CITED2: variants seen among roughly 807,000 people sequenced by gnomAD.
CITED2 encodes the protein cbp/p300-interacting transactivator 2.
In CITED2, 2 loss-of-function variants were observed where a neutral mutation model predicts 11.8. The observed-to-expected ratio is 0.17, with a 90% CI of 0.07 to 0.54. CITED2 has a LOEUF of 0.54. Among genes scored for constraint, CITED2 ranks in the 20% least tolerant of loss-of-function variants. The pLI is 0.94. For missense variants in CITED2, 437 were observed against 390.2 expected (o/e 1.12, Z -1.01); for synonymous variants, 210 against 153.0 (o/e 1.37, Z -2.75).
rs889259503 is a variant in CITED2, at chr6:139,372,061, TACAATGATA to T, written c.*1062_*1070del. ...GATTAAAGCACACCAAGAGGCATGT[TACAATGATA>T]ACAATGAAGCATTATGCCAATTATG... On this transcript the variant is annotated 3_prime_UTR_variant, in exon 2 of 2. Transcript: ENST00000367651. 2.0e-5 allele frequency: 3 copies of T among 152,058 alleles called. No individual in the cohort carries two copies. The highest frequency in any genetic ancestry group is 6.6e-5 in the Admixed American group (1 of 15,266). The allele number at this position is 152,058 out of a possible 1,614,324, so 9.4% of individuals were successfully genotyped here. A position where few individuals can be genotyped will look rare whatever the true frequency, so the allele number is the denominator to read the frequency against.
rs1253592879 is a variant in CITED2 at position 139,372,927 on chromosome 6, T to C, written c.*205A>G. On this transcript the variant is annotated 3_prime_UTR_variant, in exon 2 of 2. Coordinates refer to ENST00000367651, the MANE Select transcript of CITED2 (RefSeq NM_006079.5). ...AAGGGAGGTGGGTGAATGTCAAGGCTACAAAAACGAAACAAAAACAGGAAA... is the reference window on the plus strand; with the variant it reads ...AAGGGAGGTGGGTGAATGTCAAGGCCACAAAAACGAAACAAAAACAGGAAA... The C allele has an allele frequency of 1.6e-6, 1 of 619,810 alleles. No homozygotes were observed. Among genetic ancestry groups the C allele is most frequent in the South Asian group, 1.9e-5 (1 of 52,566 alleles). 38.4% of individuals were successfully genotyped at this position (619,810 alleles called of 1,614,324 possible).
At position 139,373,971 on chromosome 6, in the gene CITED2, GATA is replaced by G. The variant is rs199963335; in HGVS notation, c.-8-22_-8-20del. ...TCCAGTCCTGGAAGTGAAAAGGGCA[GATA>G]ATGAGACCCGCGCCACACGTGTCGC... On this transcript the variant is annotated intron_variant, in intron 1 of 1. Coordinates refer to ENST00000367651, the MANE Select transcript of CITED2 (RefSeq NM_006079.5). 14,926 of 1,591,140 alleles carry G rather than the reference GATA, an allele frequency of 9.4e-3. 125 individuals are homozygous for G. The highest frequency in any genetic ancestry group is 0.032 in the African/African-American group (2,407 of 74,804).
Position 139,373,797 on chromosome 6 carries a change from C to A in CITED2, c.148G>T (p.Ala50Ser), listed in dbSNP as rs748987662. 1.2e-6 allele frequency: 2 copies of A among 1,609,842 alleles called. No homozygotes were observed. Among genetic ancestry groups the A allele is most frequent in the East Asian group, 2.2e-5 (1 of 44,860 alleles). Residue 50 changes from alanine (A) to serine (S), a missense_variant, in exon 2 of 2, where the codon GCC (alanine) becomes TCC (serine). Transcript: ENST00000367651. ...TAGTGTATGTGCTCGCCCATTAGGG[C>A]GTTGAAGGCGTGCTGGGGCTGCTGC... ...QQQQPQHAFN[A>S]LMGEHIHYGA...
chr6:139,373,347 TGCCGCTGCCGCTGCCGCC>T lies in CITED2; in HGVS notation c.580_597del (p.Gly194_Gly199del). 6.3e-7 allele frequency: 1 copy of T among 1,591,878 alleles called. No individual in the cohort carries two copies. Among genetic ancestry groups the T allele is most frequent in the Non-Finnish European group, 8.5e-7 (1 of 1,171,022 alleles). ...ACGTGGGCCACGGAGGCGGGCATGTTGCCGCTGCCGCTGCCGCCGCCGCTGTTGCTGCTGCCCGCGCCG... is the reference window on the plus strand; with the variant it reads ...ACGTGGGCCACGGAGGCGGGCATGTTGCCGCTGTTGCTGCTGCCCGCGCCG... On this transcript the variant is annotated inframe_deletion, in exon 2 of 2. Transcript: ENST00000367651.
rs772009858 is a variant in CITED2 at position 139,373,651 on chromosome 6, G to A, written c.294C>T (p.Phe98=). 2 of 1,613,682 alleles carry A rather than the reference G, an allele frequency of 1.2e-6. No individual in the cohort carries two copies. Among genetic ancestry groups the A allele is most frequent in the African/African-American group, 1.3e-5 (1 of 75,048 alleles). ...APAARFNNSQ[F]MGPPVASQGG... ...CCTGGCTGGCCACCGGGGGACCCAT[G>A]AACTGGGAGTTGTTAAACCTGGCCG... is the stretch of plus-strand genomic sequence containing the variant. Residue 98 remains phenylalanine (F), a synonymous_variant, in exon 2 of 2, where the codon TTC becomes TTT. Coordinates refer to ENST00000367651, the MANE Select transcript of CITED2 (RefSeq NM_006079.5).
chr6:139,373,495 G>A lies in CITED2; in HGVS notation c.450C>T (p.Asn150=), dbSNP rs1583067189. The A allele has an allele frequency of 1.2e-6, 2 of 1,612,612 alleles. No individual in the cohort carries two copies. The highest frequency in any genetic ancestry group is 2.7e-5 in the African/African-American group (2 of 75,008). ...PAAGHQMNGT[N]QHFRDCNPKH... ...TGGGGTTGCAATCTCGGAAGTGCTG[G>A]TTTGTCCCGTTCATCTGGTGGCCTG... Residue 150 remains asparagine, a synonymous_variant, in exon 2 of 2, where the codon AAC becomes AAT. Coordinates refer to ENST00000367651, the MANE Select transcript of CITED2 (RefSeq NM_006079.5).
chr6:139,374,004 C>G (rs1294798618), intron 1 of CITED2, 52 bp from the exon 2 acceptor site: 3 of 1,547,760 alleles, frequency 1.9e-6, no homozygotes, highest in Non-Finnish European at 2.6e-6. Flanking sequence ...TGTCGCCCAC[C>G]ACAGCGCACC....
At position 139,372,572 on chromosome 6, in the gene CITED2, A is replaced by C; in HGVS notation, c.*560T>G. 6.0e-6 allele frequency: 1 copy of C among 167,404 alleles called. No homozygotes were observed. The highest frequency in any genetic ancestry group is 5.9e-5 in the Admixed American group (1 of 17,094). 10.4% of individuals were successfully genotyped at this position (167,404 alleles called of 1,614,324 possible). On this transcript the variant is annotated 3_prime_UTR_variant, in exon 2 of 2. Coordinates refer to ENST00000367651, the MANE Select transcript of CITED2 (RefSeq NM_006079.5). ...GTGAACAGTATGACTTTCCTGATCCAGAACAGTTTGGCCCACATCTGTTTA... is the reference window on the plus strand; with the variant it reads ...GTGAACAGTATGACTTTCCTGATCCCGAACAGTTTGGCCCACATCTGTTTA...
chr6:139,373,612 C>G lies in CITED2; in HGVS notation c.333G>C (p.Pro111=), dbSNP rs1246359445. 1 of 1,613,980 alleles carries G rather than the reference C, an allele frequency of 6.2e-7. No homozygotes were observed. Among genetic ancestry groups the G allele is most frequent in the African/African-American group, 1.3e-5 (1 of 75,012 alleles). ...TGAGCTTCTGCAGCTGCATGCTGGC[C>G]GGCAGGGAGCCTCCCTGGCTGGCCA... The part of the protein sequence containing the change: ...PPVASQGGSL[P]ASMQLQKLNN... Residue 111 remains proline (P), a synonymous_variant, in exon 2 of 2, where the codon CCG becomes CCC. Transcript: ENST00000367651.
rs1778249595 is a variant in CITED2 at position 139,371,983 on chromosome 6, G to C, written c.*1149C>G. 1 of 150,360 alleles carries C rather than the reference G, an allele frequency of 6.7e-6. No homozygotes were observed. The highest frequency in any genetic ancestry group is 6.6e-5 in the Admixed American group (1 of 15,120). The allele number at this position is 150,360 out of a possible 1,614,324, so 9.3% of individuals were successfully genotyped here. ...ACCTTTCTAACTCTGGAGTACACTT[G>C]ATATGATGGCAATTAAGAAAAAAAA... is the stretch of plus-strand genomic sequence containing the variant. On this transcript the variant is annotated 3_prime_UTR_variant, in exon 2 of 2. Transcript: ENST00000367651.
Position 139,373,390 on chromosome 6 carries a change from G to A in CITED2, c.555C>T (p.Gly185=), listed in dbSNP as rs368033342. The A allele has an allele frequency of 3.8e-6, 6 of 1,566,230 alleles. No homozygotes were observed. Among genetic ancestry groups the A allele is most frequent in the Admixed American group, 3.7e-5 (2 of 54,278 alleles). The change falls in exon 2 of 2, where the codon GGC becomes GGT. Residue 185 remains glycine (G), a synonymous_variant. Coordinates refer to ENST00000367651, the MANE Select transcript of CITED2 (RefSeq NM_006079.5). ...TPGGSGSSSG[G]GAGSSNSGGG... Reference sequence around the variant, plus strand: ...CGCCGCTGTTGCTGCTGCCCGCGCCGCCGCCCGAGCTGCTGCCAGAGCCGC... The same window carrying A: ...CGCCGCTGTTGCTGCTGCCCGCGCCACCGCCCGAGCTGCTGCCAGAGCCGC...
In CITED2 at chr6:139,372,946, CAG is replaced by C. The variant is rs1356307500; in HGVS notation, c.*184_*185del. On this transcript the variant is annotated 3_prime_UTR_variant, in exon 2 of 2. Coordinates refer to ENST00000367651, the MANE Select transcript of CITED2 (RefSeq NM_006079.5). ...CAAGGCTACAAAAACGAAACAAAAA[CAG>C]GAAAAAAAAGTGGCAGCAATTTTTT... 1 of 650,628 alleles carries C rather than the reference CAG, an allele frequency of 1.5e-6. No homozygotes were observed. The highest frequency in any genetic ancestry group is 2.6e-5 in the Admixed American group (1 of 38,804). The allele number at this position is 650,628 out of a possible 1,614,324, so 40.3% of individuals were successfully genotyped here.
Position 139,373,956 on chromosome 6 carries a change from GA to G in CITED2, c.-8-5del. ...ATATGGTCTGCCATTTCCAGTCCTG[GA>G]AGTGAAAAGGGCAGATAATGAGACC... On this transcript the variant is annotated splice_region_variant and splice_polypyrimidine_tract_variant and intron_variant, in intron 1 of 1. Coordinates refer to ENST00000367651, the MANE Select transcript of CITED2 (RefSeq NM_006079.5). 1 of 1,596,824 alleles carries G rather than the reference GA, an allele frequency of 6.3e-7. No individual in the cohort carries two copies.
intron 1 of CITED2, chr6:139,374,209 C>G (rs553214344): frequency 7.0e-7 from 1 of 1,434,366 alleles, no homozygotes; most frequent in East Asian, 2.5e-5. Context: ...CCCACACCCC[C>G]TTTGCTCCCC....
intron 1 of CITED2, 196 bp from the exon 2 acceptor site, chr6:139,374,148 G>T (rs868259677): frequency 6.8e-7 from 1 of 1,468,788 alleles, no homozygotes; most frequent in South Asian, 1.3e-5. Flanking sequence ...TAACACAGCC[G>T]GACGCTGCAC....
In CITED2 at chr6:139,372,802, C is replaced by A; in HGVS notation, c.*330G>T. ...AAAATCCACAAGATTAAGCAGTTTG[C>A]CAAGATTAATATCTAACAGTTGAGC... On this transcript the variant is annotated 3_prime_UTR_variant, in exon 2 of 2. Transcript: ENST00000367651. The A allele has an allele frequency of 2.9e-6, 1 of 341,186 alleles. No homozygotes were observed. Among genetic ancestry groups the A allele is most frequent in the Non-Finnish European group, 5.6e-6 (1 of 178,112 alleles). 21.1% of individuals were successfully genotyped at this position (341,186 alleles called of 1,614,324 possible). A position where few individuals can be genotyped will look rare whatever the true frequency, so the allele number is the denominator to read the frequency against.
In CITED2 at chr6:139,374,208, C is replaced by A. The variant is rs768863177; in HGVS notation, c.-9+205G>T. 333 of 1,434,198 alleles carry A rather than the reference C, an allele frequency of 2.3e-4. 1 individual carries two copies. The highest frequency in any genetic ancestry group is 2.8e-4 in the Non-Finnish European group (311 of 1,096,956). The allele number at this position is 1,434,198 out of a possible 1,614,324, so 88.8% of individuals were successfully genotyped here. On this transcript the variant is annotated intron_variant, in intron 1 of 1. Coordinates refer to ENST00000367651, the MANE Select transcript of CITED2 (RefSeq NM_006079.5). ...GGCGGGGGGACCCGAGCCCACACCC[C>A]CTTTGCTCCCCGAAGTGGCCTAATA...
Position 139,372,767 on chromosome 6 carries a change from A to C in CITED2, c.*365T>G, listed in dbSNP as rs1363252652. 3.5e-6 allele frequency: 1 copy of C among 288,108 alleles called. No homozygotes were observed. Among genetic ancestry groups the C allele is most frequent in the East Asian group, 7.7e-5 (1 of 12,940 alleles). The allele number at this position is 288,108 out of a possible 1,614,324, so 17.8% of individuals were successfully genotyped here. On this transcript the variant is annotated 3_prime_UTR_variant, in exon 2 of 2. Coordinates refer to ENST00000367651, the MANE Select transcript of CITED2 (RefSeq NM_006079.5). ...ATCTGAATGCAGTTCAGTCATTTGA[A>C]ACCATCTACAAAATCCACAAGATTA...
Position 139,373,940 on chromosome 6 carries a change from G to T in CITED2, c.5C>A (p.Ala2Glu). 1 of 1,598,374 alleles carries T rather than the reference G, an allele frequency of 6.3e-7. No homozygotes were observed. Among genetic ancestry groups the T allele is most frequent in the Non-Finnish European group, 8.5e-7 (1 of 1,179,728 alleles). Reference sequence around the variant, plus strand: ...GTGGTTCATGGCCATCATATGGTCTGCCATTTCCAGTCCTGGAAGTGAAAA... The same window carrying T: ...GTGGTTCATGGCCATCATATGGTCTTCCATTTCCAGTCCTGGAAGTGAAAA... Reference protein sequence around the residue: MADHMMAMNHGR... With the variant: MEDHMMAMNHGR... The change falls in exon 2 of 2, where the codon GCA becomes GAA. Residue 2 changes from alanine to glutamate, a missense_variant. By Grantham distance (107) the Ala-to-Glu change is moderately radical. Coordinates refer to ENST00000367651, the MANE Select transcript of CITED2 (RefSeq NM_006079.5).
Sources: allele counts gnomAD v4.1 joint callset, GRCh38; gene constraint gnomAD v4.1.1; transcripts MANE v1.5; gene names NCBI Gene and HGNC (gene_info 2026-07-23, HGNC 2026-07-21).